The following DLGAP2 variants were observed in gnomAD, a reference collection of about 807,000 sequenced individuals.
DLGAP2 encodes the protein disks large-associated protein 2.
Under a neutral mutation model 100.3 loss-of-function variants are expected in DLGAP2, and 26 were observed. The ratio of observed to expected loss-of-function variants is 0.26; its 90% CI spans 0.19 to 0.36. DLGAP2 has a LOEUF of 0.36. Among genes scored for constraint, DLGAP2 ranks in the 10% least tolerant of loss-of-function variants. The pLI, the probability that DLGAP2 is intolerant of heterozygous loss-of-function variation, is 1.00. For synonymous variants in DLGAP2, 886 were observed against 630.1 expected (o/e 1.41, Z -6.08); for missense variants, 1,858 against 1,453.2 (o/e 1.28, Z -4.53).
intron 3 of DLGAP2, among the ~76,000 whole-genome samples, chr8:1,273,282 C>T (rs186668782): frequency 2.9e-5 from 4 of 137,424 alleles, no homozygotes; most frequent in Admixed American, 2.2e-4. Flanking sequence ...GTAGGAAGTC[C>T]GGGAGCCACG....
chr8:1,578,809 C>T (rs1047769490), intron 6 of DLGAP2, among the ~76,000 whole-genome samples: 1 of 152,196 alleles, frequency 6.6e-6, no homozygotes, highest in Non-Finnish European at 1.5e-5. Context: ...CCTGTCCCAC[C>T]TGTCTCATGC....
intron 6 of DLGAP2, among the ~76,000 whole-genome samples, chr8:1,610,206 A>G (rs1241721851): frequency 9.2e-5 from 14 of 152,394 alleles, no homozygotes; most frequent in Admixed American, 7.2e-4. Flanking sequence ...CCACAGTGCA[A>G]TGAAACTAGA....
intron 3 of DLGAP2, among the ~76,000 whole-genome samples, chr8:1,316,203 A>G (rs71516174): frequency 2.0e-3 from 136 of 68,012 alleles, no homozygotes; most frequent in Middle Eastern, 0.012. Context: ...TAGAGCCTGT[A>G]CGAGTGCAGC....
intron 3 of DLGAP2, among the ~76,000 whole-genome samples, chr8:1,335,887 G>C (rs148679313): frequency 6.6e-6 from 1 of 151,628 alleles, no homozygotes; most frequent in Non-Finnish European, 1.5e-5. Context: ...CCGGGGCTGC[G>C]CGTGGTGACG....
At chr8:814,674 C>G (rs542782693) in intron 1 of DLGAP2, among the ~76,000 whole-genome samples, 2 of 150,790 alleles carry the variant, frequency 1.3e-5, no homozygotes, top group South Asian at 4.2e-4. Context: ...GGTGAAACCC[C>G]GTCTCTACTA....
chr8:812,380 C>T (rs756761150), intron 1 of DLGAP2, among the ~76,000 whole-genome samples: 2 of 152,178 alleles, frequency 1.3e-5, no homozygotes, highest in Non-Finnish European at 2.9e-5. Flanking sequence ...CGGGAAGTCC[C>T]TGCCTCCCAG....
intron 1 of DLGAP2, among the ~76,000 whole-genome samples, chr8:770,668 C>T (rs1228133985): frequency 6.6e-6 from 1 of 152,118 alleles, no homozygotes; most frequent in Non-Finnish European, 1.5e-5. Context: ...TTCGTGCTGA[C>T]CTCCTGCTTC....
chr8:1,175,415 G>A lies in DLGAP2; in HGVS notation c.74-83436G>A, dbSNP rs73532188. On this transcript the variant is annotated intron_variant, in intron 2 of 14. Transcript: ENST00000637795. Reference sequence around the variant, plus strand: ...TAAAAATTACATTACCATCATAGTTGTGACTAAAATAGCCTTCATTTATAA... The same window carrying A: ...TAAAAATTACATTACCATCATAGTTATGACTAAAATAGCCTTCATTTATAA... Among the ~76,000 whole-genome samples the A allele has an allele frequency of 8.5e-3, 1,287 of 152,246 alleles. 20 individuals are homozygous for A. The highest frequency in any genetic ancestry group is 0.029 in the African/African-American group (1,200 of 41,544).
intron 3 of DLGAP2, among the ~76,000 whole-genome samples, chr8:1,289,685 T>C (rs1355817806): frequency 8.5e-5 from 13 of 152,126 alleles, no homozygotes; most frequent in Admixed American, 8.5e-4. Context: ...CACTGTGCAG[T>C]GTTCTCACAG....
chr8:980,561 G>A (rs1304114661), intron 2 of DLGAP2, among the ~76,000 whole-genome samples: 6 of 152,124 alleles, frequency 3.9e-5, no homozygotes, highest in Admixed American at 6.5e-5. Flanking sequence ...CAATTCATTC[G>A]CTCAAGGTTG....
intron 3 of DLGAP2, among the ~76,000 whole-genome samples, chr8:1,267,850 G>T: frequency 6.6e-6 from 1 of 152,142 alleles, no homozygotes; most frequent in East Asian, 1.9e-4. Flanking sequence ...ATGGGAACTG[G>T]TTTTTCCTCC....
chr8:1,185,966 C>T (rs1387509926), intron 2 of DLGAP2, among the ~76,000 whole-genome samples: 3 of 152,164 alleles, frequency 2.0e-5, no homozygotes, highest in Admixed American at 1.3e-4. Context: ...CTCCTGTCAC[C>T]TCCCTCCAGG....
intron 3 of DLGAP2, among the ~76,000 whole-genome samples, chr8:1,280,810 G>A (rs184235031): frequency 6.6e-6 from 1 of 152,286 alleles, no homozygotes; most frequent in Non-Finnish European, 1.5e-5. Context: ...CACCTGTAAT[G>A]GGGAGATTCT....
At chr8:1,320,029 G>A (rs1176341077) in intron 3 of DLGAP2, among the ~76,000 whole-genome samples, 1 of 152,118 alleles carries the variant, frequency 6.6e-6, no homozygotes, top group Non-Finnish European at 1.5e-5. Flanking sequence ...GAAGACGAAA[G>A]GTGTTGCGGC....
In DLGAP2 at chr8:871,639, G is replaced by A. The variant is rs139298010; in HGVS notation, c.19-36273G>A. ...ATGGAACTGCTCATTGGAGCATTTC[G>A]GATTTGGATATTTGGATTTGAGACA... On this transcript the variant is annotated intron_variant, in intron 1 of 14. Transcript: ENST00000637795. 5.1e-4 allele frequency among the ~76,000 whole-genome samples: 78 copies of A among 152,190 alleles called. 1 individual carries two copies. The East Asian group carries it at 0.013, about 25-fold the overall frequency.
At chr8:1,177,674 A>G (rs1797289541) in intron 2 of DLGAP2, among the ~76,000 whole-genome samples, 1 of 152,212 alleles carries the variant, frequency 6.6e-6, no homozygotes, top group South Asian at 2.1e-4. Context: ...TATAAATAAT[A>G]GAAGTTTATT....
At chr8:1,056,852 A>T (rs1738091695) in intron 2 of DLGAP2, among the ~76,000 whole-genome samples, 1 of 152,244 alleles carries the variant, frequency 6.6e-6, no homozygotes, top group Non-Finnish European at 1.5e-5. Context: ...TGAATTTCTA[A>T]TTGTACCTGG....
Position 1,305,574 on chromosome 8 carries a change from G to C in DLGAP2, c.106+46691G>C, listed in dbSNP as rs145713718. 4.3e-4 allele frequency among the ~76,000 whole-genome samples: 65 copies of C among 152,254 alleles called. No individual in the cohort carries two copies. The South Asian group carries it at 5.2e-3, about 12-fold the overall frequency. On this transcript the variant is annotated intron_variant, in intron 3 of 14. Coordinates refer to ENST00000637795, the MANE Select transcript of DLGAP2 (RefSeq NM_001346810.2). ...TGTGCTTCACCCAAATTGAAACTCA[G>C]ACCAGAGAAACTAAGGACATTGCTT... is the stretch of plus-strand genomic sequence containing the variant.
At chr8:1,671,324 C>A (rs1003041626) in intron 10 of DLGAP2, among the ~76,000 whole-genome samples, 10 of 152,246 alleles carry the variant, frequency 6.6e-5, no homozygotes, top group Non-Finnish European at 1.5e-4. Context: ...CTGGCTAGCC[C>A]GTGTTCCACC....
Sources: gnomAD v4.1 joint callset for allele counts (sites outside exome capture counted in the v4.1 genomes callset) on GRCh38, gnomAD v4.1.1 for gene constraint, MANE v1.5 for transcripts, NCBI Gene and HGNC (gene_info 2026-07-23, HGNC 2026-07-21) for gene names.